Variants in SNX8 observed in about 807,000 individuals in gnomAD.
SNX8 encodes the protein sorting nexin 8, also known as sorting nexin-8.
Under a neutral mutation model 51.6 loss-of-function variants are expected in SNX8, and 25 were observed. That is an observed-to-expected ratio of 0.48 (90% confidence interval 0.35 to 0.68). The LOEUF (loss-of-function observed/expected upper bound fraction) is 0.68, where lower values mean the gene tolerates loss of function less well. SNX8 is among the 30% of genes least tolerant of loss of function. The probability of loss-of-function intolerance (pLI) is 0.00; values close to 1 mark genes in which losing one functional copy is unlikely to be tolerated. For missense variants in SNX8, 695 were observed against 624.0 expected (o/e 1.11, Z -1.21); for synonymous variants, 324 against 277.0 (o/e 1.17, Z -1.68).
At chr7:2,274,834 G>C (rs757590335) in intron 3 of SNX8, 28 of 420,146 alleles carry the variant, frequency 6.7e-5, no homozygotes, top group Non-Finnish European at 1.0e-4. Context: ...AGGAGAACTA[G>C]GGTTCTCTTT....
intron 1 of SNX8, among the ~76,000 whole-genome samples, chr7:2,281,610 C>T (rs1418199144): frequency 2.0e-5 from 3 of 151,998 alleles, no homozygotes; most frequent in Non-Finnish European, 1.5e-5. Context: ...TGCACACAGC[C>T]CATAAGACAC....
chr7:2,283,076 G>C (rs138672923), intron 1 of SNX8, among the ~76,000 whole-genome samples: 2 of 151,646 alleles, frequency 1.3e-5, no homozygotes, highest in African/African-American at 4.8e-5. Context: ...AGCAGAGATC[G>C]CGCCACTGCA....
chr7:2,301,209 G>A (rs1796383784), intron 1 of SNX8, among the ~76,000 whole-genome samples: 1 of 152,194 alleles, frequency 6.6e-6, no homozygotes, highest in South Asian at 2.1e-4. Context: ...ACGAATGGCT[G>A]CTTAACGTGG....
intron 3 of SNX8, among the ~76,000 whole-genome samples, chr7:2,273,637 C>T (rs1795702195): frequency 6.6e-6 from 1 of 151,238 alleles, no homozygotes; most frequent in South Asian, 2.1e-4. Flanking sequence ...GGTGCGGTGG[C>T]TCACACCTGT....
At position 2,270,494 on chromosome 7, in the gene SNX8, G is replaced by A. The variant is rs563460509; in HGVS notation, c.541-855C>T. Among the ~76,000 whole-genome samples the A allele has an allele frequency of 2.4e-3, 363 of 151,916 alleles. 2 individuals are homozygous for A. The highest frequency in any genetic ancestry group is 3.0e-3 in the Non-Finnish European group (204 of 67,948). On this transcript the variant is annotated intron_variant, in intron 4 of 10. Transcript: ENST00000222990. ...GAAAGCAAGCAAGAAAACTGAGGCC[G>A]GGAAGTGACAGAGAATGATACCTGT...
Position 2,283,814 on chromosome 7 carries a change from G to T in SNX8, c.95-5509C>A, listed in dbSNP as rs142881119. On this transcript the variant is annotated intron_variant, in intron 1 of 10. Coordinates refer to ENST00000222990, the MANE Select transcript of SNX8 (RefSeq NM_013321.4). ...TGGGAATCTGCTTTTTTTGGAGGGG[G>T]TGCCGGAGTCTTACTCTGTCACCCA... 4.2e-3 allele frequency among the ~76,000 whole-genome samples: 632 copies of T among 152,276 alleles called. 5 individuals carry two copies. The highest frequency in any genetic ancestry group is 0.014 in the African/African-American group (591 of 41,546).
rs1795102180 is a variant in SNX8 at position 2,253,756 on chromosome 7, T to C, written c.*1300A>G. On this transcript the variant is annotated 3_prime_UTR_variant, in exon 11 of 11. Coordinates refer to ENST00000222990, the MANE Select transcript of SNX8 (RefSeq NM_013321.4). ...CCTGCCTGCGGGGCACACACAGGAG[T>C]CCCCTCTCCATCCCACGGCCGTGAG... 3 of 150,854 alleles carry C rather than the reference T, an allele frequency of 2.0e-5. No homozygotes were observed. The highest frequency in any genetic ancestry group is 2.0e-4 in the Admixed American group (3 of 15,152). The allele number at this position is 150,854 out of a possible 1,614,324, so 9.3% of individuals were successfully genotyped here.
upstream of SNX8, among the ~76,000 whole-genome samples, chr7:2,316,474 C>T: frequency 6.8e-6 from 1 of 147,122 alleles, no homozygotes; most frequent in East Asian, 2.0e-4. Flanking sequence ...TTCACCCACT[C>T]ACTCACTCAC....
intron 1 of SNX8, among the ~76,000 whole-genome samples, chr7:2,313,534 A>AG (rs1796701414): frequency 2.6e-5 from 4 of 151,468 alleles, no homozygotes; most frequent in East Asian, 3.9e-4. Flanking sequence ...AAAAAAAAAA[A>AG]AAAAAGAAAA....
At chr7:2,284,488 G>A (rs1180121555) in intron 1 of SNX8, among the ~76,000 whole-genome samples, 3 of 127,322 alleles carry the variant, frequency 2.4e-5, no homozygotes, top group Non-Finnish European at 3.1e-5. Flanking sequence ...TGCAATCTCC[G>A]CCTCCCGGGT....
At chr7:2,341,665 C>T (rs1778928472) in intron 1 of SNX8, among the ~76,000 whole-genome samples, 1 of 151,920 alleles carries the variant, frequency 6.6e-6, no homozygotes. Context: ...GAGGCAAGAG[C>T]CTATCTCAAA....
In SNX8 at chr7:2,252,336, C is replaced by T. The variant is rs1795055903; in HGVS notation, c.*2720G>A. ...CCCCGCTCTCCCTCCGGCATGGGGC[C>T]TCCACCTGCAGCAGTAAGCAGCCTC... is the stretch of plus-strand genomic sequence containing the variant. On this transcript the variant is annotated 3_prime_UTR_variant, in exon 11 of 11. Coordinates refer to ENST00000222990, the MANE Select transcript of SNX8 (RefSeq NM_013321.4). 1 of 152,758 alleles carries T rather than the reference C, an allele frequency of 6.5e-6. No individual in the cohort carries two copies. The highest frequency in any genetic ancestry group is 1.9e-4 in the East Asian group (1 of 5,186). 9.5% of individuals were successfully genotyped at this position (152,758 alleles called of 1,614,324 possible). A position where few individuals can be genotyped will look rare whatever the true frequency, so the allele number is the denominator to read the frequency against.
chr7:2,354,157 G>C (rs1002999338), intron 1 of SNX8: 3 of 152,336 alleles, frequency 2.0e-5, no homozygotes, highest in African/African-American at 7.2e-5. Flanking sequence ...CCCGAATGGG[G>C]GGAAACAGGC....
intron 4 of SNX8, among the ~76,000 whole-genome samples, chr7:2,271,147 G>T (rs1418463078): frequency 6.6e-6 from 1 of 152,340 alleles, no homozygotes; most frequent in East Asian, 1.9e-4. Flanking sequence ...GGGTTCAAGC[G>T]ATTCTCATGC....
rs1287404520 is a variant in SNX8 at position 2,257,805 on chromosome 7, TG to T, written c.916-3del. 1.2e-6 allele frequency: 2 copies of T among 1,613,560 alleles called. No homozygotes were observed. The highest frequency in any genetic ancestry group is 2.7e-5 in the African/African-American group (2 of 74,914). On this transcript the variant is annotated splice_polypyrimidine_tract_variant and splice_region_variant and intron_variant, in intron 7 of 10. Transcript: ENST00000222990. ...CACGTCGTTCTCTTCCTGCTTACCC[TG>T]GAAGGCGAGGGGGAGCTCACCCACG...
At chr7:2,288,732 G>A (rs966576604) in intron 1 of SNX8, among the ~76,000 whole-genome samples, 12 of 152,066 alleles carry the variant, frequency 7.9e-5, no homozygotes, top group African/African-American at 2.9e-4. Context: ...GGGTTTGCCT[G>A]TTTTGGGGTT....
At chr7:2,311,805 C>A (rs1462933057) in intron 1 of SNX8, among the ~76,000 whole-genome samples, 1 of 151,758 alleles carries the variant, frequency 6.6e-6, no homozygotes. Context: ...GGCGTGGTGG[C>A]GGGCGCCTGT....
intron 1 of SNX8, among the ~76,000 whole-genome samples, chr7:2,321,406 T>C (rs1778510145): frequency 6.6e-6 from 1 of 151,960 alleles, no homozygotes; most frequent in Admixed American, 6.6e-5. Context: ...TTCAGGGAAC[T>C]GTAAAAAGAA....
chr7:2,352,064 T>C (rs992256012), intron 1 of SNX8, among the ~76,000 whole-genome samples: 4 of 151,772 alleles, frequency 2.6e-5, no homozygotes, highest in Admixed American at 6.6e-5. Flanking sequence ...TGTGCCACCA[T>C]GCCTGGCTAA....
Sources: allele counts gnomAD v4.1 joint callset (sites outside exome capture counted in the v4.1 genomes callset), GRCh38; gene constraint gnomAD v4.1.1; transcripts MANE v1.5; gene names NCBI Gene and HGNC (gene_info 2026-07-23, HGNC 2026-07-21).